Variants in IGSF10 observed in about 807,000 individuals in gnomAD.
IGSF10 encodes calvaria mechanical force protein 608.
Under a neutral mutation model 128.2 loss-of-function variants are expected in IGSF10, and 126 were observed. The ratio of observed to expected loss-of-function variants is 0.98; its 90% CI spans 0.85 to 1.14. The LOEUF (loss-of-function observed/expected upper bound fraction) is 1.14, where lower values mean the gene tolerates loss of function less well. Ranked by LOEUF, IGSF10 falls within the 50% of genes most tolerant of loss-of-function variation. The pLI is 0.00. For synonymous variants in IGSF10, 1,185 were observed against 1,146.2 expected, an observed-to-expected ratio of 1.03 and a Z score of -0.68; for missense variants, 3,295 against 3,149.8, an observed-to-expected ratio of 1.05 and a Z score of -1.10.
chr3:151,553,567 T>C, the IGSF10 span, among the ~76,000 whole-genome samples: 1 of 151,830 alleles, frequency 6.6e-6, no homozygotes, highest in African/African-American at 2.4e-5. Context: ...TTTCTTATAA[T>C]GTATATCATG....
In IGSF10 at chr3:151,460,332, A is replaced by G. The variant is rs905173854; in HGVS notation, c.-73T>C. 6.1e-6 allele frequency: 6 copies of G among 979,332 alleles called. No individual in the cohort carries two copies. In the East Asian group the frequency reaches 3.4e-4, roughly 56 times the overall value. 60.7% of individuals were successfully genotyped at this position (979,332 alleles called of 1,614,324 possible). A position where few individuals can be genotyped will look rare whatever the true frequency, so the allele number is the denominator to read the frequency against. On this transcript the variant is annotated 5_prime_UTR_variant, in exon 2 of 8. Transcript: ENST00000282466. ...GACAGAAAATCTTCCCAGGAAATGG[A>G]AAATTGTGTCCAAACCTGAGGGAGG...
the IGSF10 span, among the ~76,000 whole-genome samples, chr3:151,467,104 C>T: frequency 0.032 from 4,830 of 152,176 alleles, 102 homozygotes; most frequent in East Asian, 0.075. Context: ...TTGCAAAAAG[C>T]AAATGGAAAG....
At chr3:151,526,322 TG>T in the IGSF10 span, among the ~76,000 whole-genome samples, 1 of 151,874 alleles carries the variant, frequency 6.6e-6, no homozygotes, top group Non-Finnish European at 1.5e-5. Flanking sequence ...TCATTTTTCT[TG>T]ATTGTTTTTT....
the IGSF10 span, among the ~76,000 whole-genome samples, chr3:151,610,406 C>T: frequency 6.6e-6 from 1 of 152,116 alleles, no homozygotes; most frequent in Non-Finnish European, 1.5e-5. Flanking sequence ...ATGGATCAAG[C>T]TGTAGCTCAC....
At chr3:151,586,321 A>G in the IGSF10 span, among the ~76,000 whole-genome samples, 1 of 152,144 alleles carries the variant, frequency 6.6e-6, no homozygotes, top group Non-Finnish European at 1.5e-5. Context: ...CTTTTTTTCT[A>G]TAGTTTCAAT....
At chr3:151,609,653 G>A in the IGSF10 span, among the ~76,000 whole-genome samples, 2 of 152,124 alleles carry the variant, frequency 1.3e-5, no homozygotes, top group African/African-American at 4.8e-5. Flanking sequence ...TAAATACTGT[G>A]CGGCAATAAA....
chr3:151,537,531 T>C, the IGSF10 span, among the ~76,000 whole-genome samples: 1 of 152,174 alleles, frequency 6.6e-6, no homozygotes, highest in Non-Finnish European at 1.5e-5. Flanking sequence ...CCCCATCATG[T>C]ACATGATGCT....
At chr3:151,552,246 C>A in the IGSF10 span, among the ~76,000 whole-genome samples, 1 of 152,134 alleles carries the variant, frequency 6.6e-6, no homozygotes, top group Non-Finnish European at 1.5e-5. Context: ...GAGGCCTCCC[C>A]AGCCATGCAG....
At chr3:151,495,767 G>T in the IGSF10 span, among the ~76,000 whole-genome samples, 33 of 151,976 alleles carry the variant, frequency 2.2e-4, no homozygotes, top group African/African-American at 7.7e-4. Context: ...CTCACAAATT[G>T]GATACTAAAC....
chr3:151,487,733 CAT>C, the IGSF10 span, among the ~76,000 whole-genome samples: 2 of 152,192 alleles, frequency 1.3e-5, no homozygotes, highest in African/African-American at 4.8e-5. Flanking sequence ...ACAAAAACCA[CAT>C]GATTATCTCA....
intron 3 of IGSF10, among the ~76,000 whole-genome samples, 165 bp from the exon 4 acceptor site, chr3:151,457,320 G>A (rs1721843277): frequency 6.6e-6 from 1 of 152,134 alleles, no homozygotes; most frequent in Non-Finnish European, 1.5e-5. Context: ...TGCCACAGAA[G>A]GTCGGCTCTC....
chr3:151,540,394 T>C, the IGSF10 span, among the ~76,000 whole-genome samples: 1 of 152,350 alleles, frequency 6.6e-6, no homozygotes, highest in African/African-American at 2.4e-5. Flanking sequence ...ATACAGTATG[T>C]ACTCTGGTGT....
chr3:151,558,727 C>T, the IGSF10 span, among the ~76,000 whole-genome samples: 1 of 152,074 alleles, frequency 6.6e-6, no homozygotes, highest in Non-Finnish European at 1.5e-5. Context: ...AATCCCAGAG[C>T]TTGCCAATGA....
chr3:151,476,424 AG>A, the IGSF10 span, among the ~76,000 whole-genome samples: 3,201 of 152,168 alleles, frequency 0.021, 101 homozygotes, highest in African/African-American at 0.073. Flanking sequence ...ATGGGGCAAA[AG>A]TTTTATAGTC....
the IGSF10 span, among the ~76,000 whole-genome samples, chr3:151,617,643 G>T: frequency 3.3e-3 from 503 of 152,102 alleles, 4 homozygotes; most frequent in East Asian, 0.021. Context: ...GGGATGTGAG[G>T]GTAGAATGAA....
At chr3:151,553,233 C>A in the IGSF10 span, among the ~76,000 whole-genome samples, 2 of 152,092 alleles carry the variant, frequency 1.3e-5, no homozygotes, top group Non-Finnish European at 2.9e-5. Flanking sequence ...GACAAATTAT[C>A]TTAAATATTT....
At chr3:151,471,100 C>T in the IGSF10 span, among the ~76,000 whole-genome samples, 2 of 152,068 alleles carry the variant, frequency 1.3e-5, no homozygotes, top group African/African-American at 2.4e-5. Context: ...GGGTCTTTTC[C>T]ATGCTGTTCT....
chr3:151,437,081 TA>T lies in IGSF10; in HGVS notation c.7479del (p.Glu2495LysfsTer22). 1 of 1,614,244 alleles carries T rather than the reference TA, an allele frequency of 6.2e-7. No individual in the cohort carries two copies. Among genetic ancestry groups the T allele is most frequent in the Non-Finnish European group, 8.5e-7 (1 of 1,180,030 alleles). The stretch of plus-strand genomic sequence containing the variant: ...CCTCTGTCATAAGCTGTTGCTTCTT[TA>T]ATGACTAAGGTGCCATTGTCATGCA... ...YILHDNGTLV[I>X]KEATAYDRGN... On this transcript the variant is annotated frameshift_variant, in exon 8 of 8. Transcript: ENST00000282466. LOFTEE classifies it low-confidence loss of function (END_TRUNC).
chr3:151,468,032 T>TAC, the IGSF10 span, among the ~76,000 whole-genome samples: 8 of 152,382 alleles, frequency 5.2e-5, 1 homozygote, highest in African/African-American at 1.7e-4. Context: ...AGTTTGAGAT[T>TAC]ACAGAACTCG....
Sources: gnomAD v4.1 joint callset for allele counts (sites outside exome capture counted in the v4.1 genomes callset) on GRCh38, gnomAD v4.1.1 for gene constraint, MANE v1.5 for transcripts, NCBI Gene and HGNC (gene_info 2026-07-23, HGNC 2026-07-21) for gene names.